The following MAML2 variants were observed in gnomAD, a reference collection of about 807,000 sequenced individuals.
MAML2 encodes the protein mastermind like transcriptional coactivator 2.
MAML2 carries 22 observed loss-of-function variants against 96.1 expected under a neutral mutation model. The ratio of observed to expected loss-of-function variants is 0.23; its 90% CI spans 0.16 to 0.33. The LOEUF (loss-of-function observed/expected upper bound fraction) is 0.33, where lower values mean the gene tolerates loss of function less well. MAML2 is among the 10% of genes least tolerant of loss of function. The pLI, the probability that MAML2 is intolerant of heterozygous loss-of-function variation, is 1.00. For missense variants in MAML2, 1,367 were observed against 1,392.4 expected, an observed-to-expected ratio of 0.98 and a Z score of 0.29; for synonymous variants, 561 against 521.3, an observed-to-expected ratio of 1.08 and a Z score of -1.04.
At chr11:96,056,140 A>G (rs942894478) in intron 2 of MAML2, among the ~76,000 whole-genome samples, 2 of 152,194 alleles carry the variant, frequency 1.3e-5, no homozygotes, top group Admixed American at 6.5e-5. Context: ...GGATGGAACC[A>G]AATTACTTTT....
chr11:96,303,403 T>A (rs917354742), intron 1 of MAML2, among the ~76,000 whole-genome samples: 2 of 152,210 alleles, frequency 1.3e-5, no homozygotes, highest in African/African-American at 4.8e-5. Context: ...AGAATTATAG[T>A]TATCTATATA....
chr11:95,976,841 G>T lies in MAML2; in HGVS notation c.*2107C>A. 5.4e-6 allele frequency: 1 copy of T among 186,674 alleles called. No individual in the cohort carries two copies. Among genetic ancestry groups the T allele is most frequent in the Admixed American group, 6.2e-5 (1 of 16,118 alleles). 11.6% of individuals were successfully genotyped at this position (186,674 alleles called of 1,614,324 possible). A position where few individuals can be genotyped will look rare whatever the true frequency, so the allele number is the denominator to read the frequency against. On this transcript the variant is annotated 3_prime_UTR_variant, in exon 5 of 5. Transcript: ENST00000524717. ...AGCCATACAACAAAAGCGTTTATAT[G>T]TACATCATTTTTTTTCTTTTTGTAT...
chr11:96,077,694 A>G (rs1021726625), intron 2 of MAML2, among the ~76,000 whole-genome samples: 11 of 152,226 alleles, frequency 7.2e-5, no homozygotes, highest in African/African-American at 2.4e-4. Context: ...ACACAGCCTC[A>G]TCCACTGAGT....
At chr11:96,148,977 T>G (rs935303765) in intron 1 of MAML2, among the ~76,000 whole-genome samples, 1 of 152,222 alleles carries the variant, frequency 6.6e-6, no homozygotes, top group Non-Finnish European at 1.5e-5. Context: ...ATAGCCCTAT[T>G]GCTTAAGGCG....
At chr11:96,292,867 G>T (rs1863233958) in intron 1 of MAML2, among the ~76,000 whole-genome samples, 1 of 151,954 alleles carries the variant, frequency 6.6e-6, no homozygotes, top group Non-Finnish European at 1.5e-5. Flanking sequence ...AGGGAGCAAA[G>T]TCTAGCTGTC....
At chr11:96,211,376 A>C (rs1324598974) in intron 1 of MAML2, among the ~76,000 whole-genome samples, 1 of 151,958 alleles carries the variant, frequency 6.6e-6, no homozygotes, top group Non-Finnish European at 1.5e-5. Flanking sequence ...TAAGTACATT[A>C]CTTCAACAAC....
intron 1 of MAML2, among the ~76,000 whole-genome samples, chr11:96,208,086 A>G (rs924314379): frequency 1.3e-5 from 2 of 152,212 alleles, no homozygotes; most frequent in Non-Finnish European, 1.5e-5. Flanking sequence ...AGTGATTTTA[A>G]AAAAGATTTA....
chr11:96,153,741 C>G (rs758891613), intron 1 of MAML2, among the ~76,000 whole-genome samples: 14 of 152,002 alleles, frequency 9.2e-5, no homozygotes, highest in Middle Eastern at 3.4e-3. Flanking sequence ...GAAACCCCAT[C>G]TCTACTAAAA....
At chr11:95,995,689 G>A (rs1252206979) in intron 2 of MAML2, among the ~76,000 whole-genome samples, 1 of 152,146 alleles carries the variant, frequency 6.6e-6, no homozygotes, top group Non-Finnish European at 1.5e-5. Context: ...CAGATGTGGT[G>A]TGTTTGGCCC....
chr11:96,165,600 C>T (rs923826387), intron 1 of MAML2, among the ~76,000 whole-genome samples: 3 of 151,966 alleles, frequency 2.0e-5, no homozygotes, highest in Non-Finnish European at 4.4e-5. Context: ...AAATCCAATT[C>T]GTTGTTTCTT....
At chr11:96,163,130 A>G (rs778297841) in intron 1 of MAML2, among the ~76,000 whole-genome samples, 34 of 152,192 alleles carry the variant, frequency 2.2e-4, no homozygotes, top group Non-Finnish European at 4.9e-4. Flanking sequence ...AACGTTCCGT[A>G]GTTTAAAGAG....
At chr11:96,188,522 T>A (rs974178798) in intron 1 of MAML2, among the ~76,000 whole-genome samples, 10 of 152,202 alleles carry the variant, frequency 6.6e-5, no homozygotes, top group African/African-American at 9.6e-5. Flanking sequence ...AGAGAAAGCC[T>A]GTATGTCCCT....
At chr11:96,073,724 C>T (rs950692543) in intron 2 of MAML2, among the ~76,000 whole-genome samples, 24 of 152,048 alleles carry the variant, frequency 1.6e-4, no homozygotes, top group African/African-American at 5.3e-4. Context: ...TCCAGTTAGC[C>T]GAGTGCTGTA....
chr11:96,198,966 G>T (rs976655104), intron 1 of MAML2, among the ~76,000 whole-genome samples: 1 of 151,518 alleles, frequency 6.6e-6, no homozygotes, highest in Non-Finnish European at 1.5e-5. Flanking sequence ...GGGAGGCCGA[G>T]GCAGGCGGAT....
At chr11:96,335,941 C>G (rs1863915199) in intron 1 of MAML2, among the ~76,000 whole-genome samples, 1 of 152,112 alleles carries the variant, frequency 6.6e-6, no homozygotes, top group Non-Finnish European at 1.5e-5. Context: ...TGCTGGTGAC[C>G]CATGTTCTCA....
intron 1 of MAML2, among the ~76,000 whole-genome samples, chr11:96,316,180 A>G (rs1427142380): frequency 1.3e-5 from 2 of 152,178 alleles, no homozygotes; most frequent in African/African-American, 2.4e-5. Flanking sequence ...CTGTTCCTTT[A>G]TACCCTATCT....
At chr11:96,318,622 T>C (rs538121101) in intron 1 of MAML2, among the ~76,000 whole-genome samples, 2 of 152,336 alleles carry the variant, frequency 1.3e-5, no homozygotes, top group South Asian at 2.1e-4. Flanking sequence ...CTTGTACTTA[T>C]CCTAATTACA....
chr11:96,215,915 C>T (rs1443218992), intron 1 of MAML2, among the ~76,000 whole-genome samples: 1 of 152,120 alleles, frequency 6.6e-6, no homozygotes, highest in Admixed American at 6.5e-5. Flanking sequence ...GCTTTCTAAA[C>T]TTAGGCCCCC....
At chr11:96,175,988 T>A (rs957268357) in intron 1 of MAML2, among the ~76,000 whole-genome samples, 1 of 152,122 alleles carries the variant, frequency 6.6e-6, no homozygotes, top group Non-Finnish European at 1.5e-5. Context: ...AATAGGAGCA[T>A]AGGGAAAAAA....
Sources: gnomAD v4.1 joint callset for allele counts (sites outside exome capture counted in the v4.1 genomes callset) on GRCh38, gnomAD v4.1.1 for gene constraint, MANE v1.5 for transcripts, NCBI Gene and HGNC (gene_info 2026-07-23, HGNC 2026-07-21) for gene names.